PRSS38: variants seen among roughly 807,000 people sequenced by gnomAD.
The protein encoded by PRSS38 is serine protease 38.
In PRSS38, 22 loss-of-function variants were observed where a neutral mutation model predicts 26.8. That is an observed-to-expected ratio of 0.82 (90% confidence interval 0.59 to 1.17). The LOEUF (loss-of-function observed/expected upper bound fraction) is 1.17, where lower values mean the gene tolerates loss of function less well. Ranked by LOEUF, PRSS38 falls within the 50% of genes most tolerant of loss-of-function variation. The pLI, the probability that PRSS38 is intolerant of heterozygous loss-of-function variation, is 0.00. For synonymous variants in PRSS38, 175 were observed against 172.1 expected (o/e 1.02, Z -0.13); for missense variants, 427 against 422.7 (o/e 1.01, Z -0.09).
chr1:227,833,818 G>A (rs568890132), intron 3 of PRSS38, among the ~76,000 whole-genome samples: 78 of 152,328 alleles, frequency 5.1e-4, no homozygotes, highest in African/African-American at 1.8e-3. Flanking sequence ...AATTATTGAA[G>A]ACTAAGTATA....
chr1:227,834,179 G>C (rs1665203354), intron 3 of PRSS38, among the ~76,000 whole-genome samples: 1 of 152,194 alleles, frequency 6.6e-6, no homozygotes, highest in Admixed American at 6.5e-5. Context: ...CTGAGAGGGA[G>C]CCTGGCCCTT....
intron 3 of PRSS38, among the ~76,000 whole-genome samples, chr1:227,819,187 G>A (rs1462315756): frequency 6.6e-6 from 1 of 152,054 alleles, no homozygotes; most frequent in Non-Finnish European, 1.5e-5. Context: ...GTGTATGTGG[G>A]GAGATGGTGG....
chr1:227,834,153 A>G (rs1163788028), intron 3 of PRSS38, among the ~76,000 whole-genome samples: 3 of 152,096 alleles, frequency 2.0e-5, no homozygotes, highest in Non-Finnish European at 4.4e-5. Context: ...GAAAAGAAGG[A>G]TCCTCCCTGA....
chr1:227,841,346 C>A (rs1189709847), intron 3 of PRSS38, among the ~76,000 whole-genome samples: 1 of 152,250 alleles, frequency 6.6e-6, no homozygotes, highest in South Asian at 2.1e-4. Flanking sequence ...TCCCGTTGAC[C>A]AAACCACGTC....
At chr1:227,821,203 G>A (rs1166913810) in intron 3 of PRSS38, among the ~76,000 whole-genome samples, 1 of 151,926 alleles carries the variant, frequency 6.6e-6, no homozygotes, top group Non-Finnish European at 1.5e-5. Flanking sequence ...CCATGTCCCT[G>A]CAAAGGACAT....
chr1:227,824,458 C>A (rs1280260414), intron 3 of PRSS38, among the ~76,000 whole-genome samples: 1 of 152,060 alleles, frequency 6.6e-6, no homozygotes, highest in Non-Finnish European at 1.5e-5. Flanking sequence ...ATTTTTTTAT[C>A]CAGTCTATCA....
At chr1:227,818,288 TA>T (rs1328815748) in intron 3 of PRSS38, among the ~76,000 whole-genome samples, 1 of 152,190 alleles carries the variant, frequency 6.6e-6, no homozygotes, top group Non-Finnish European at 1.5e-5. Context: ...ACTTAATTTT[TA>T]AAAAATTATA....
chr1:227,845,004 T>A (rs1439410401), intron 3 of PRSS38, among the ~76,000 whole-genome samples: 2 of 144,462 alleles, frequency 1.4e-5, no homozygotes, highest in Non-Finnish European at 3.0e-5. Flanking sequence ...CCTCCCTATG[T>A]GTGGTGGGGC....
intron 3 of PRSS38, among the ~76,000 whole-genome samples, chr1:227,836,126 T>C (rs1362112187): frequency 2.0e-5 from 3 of 151,678 alleles, no homozygotes; most frequent in African/African-American, 7.3e-5. Flanking sequence ...CGAGACAAGG[T>C]CTTGCTCTGT....
At chr1:227,821,801 T>A (rs1000920139) in intron 3 of PRSS38, among the ~76,000 whole-genome samples, 6 of 152,194 alleles carry the variant, frequency 3.9e-5, no homozygotes, top group Non-Finnish European at 8.8e-5. Context: ...TTATAATGTG[T>A]CTTGTTGGGG....
At chr1:227,815,697 G>C in exon 1 of PRSS38, 1 of 1,559,956 alleles carries the variant, frequency 6.4e-7, no homozygotes, top group Non-Finnish European at 8.7e-7. Context: ...TCACCCGCTG[G>C]GGGCGCTGCC....
exon 5 of PRSS38, chr1:227,845,985 T>A (rs767194224): frequency 1.2e-6 from 2 of 1,614,198 alleles, no homozygotes; most frequent in South Asian, 2.2e-5. Flanking sequence ...GTCTGTGAAT[T>A]CAACCGCAGC....
At chr1:227,817,047 A>G (rs1225616699) in intron 2 of PRSS38, among the ~76,000 whole-genome samples, 162 bp from the exon 3 acceptor site, 1 of 152,044 alleles carries the variant, frequency 6.6e-6, no homozygotes, top group Non-Finnish European at 1.5e-5. Flanking sequence ...TTAGGGGGCA[A>G]CTCTTCCAGA....
At chr1:227,841,904 A>T (rs1181939667) in intron 3 of PRSS38, among the ~76,000 whole-genome samples, 1 of 152,182 alleles carries the variant, frequency 6.6e-6, no homozygotes, top group African/African-American at 2.4e-5. Context: ...AGGGTTCTGT[A>T]AGAAGCATGG....
intron 3 of PRSS38, among the ~76,000 whole-genome samples, chr1:227,833,527 C>CA (rs34002342): frequency 2.0e-5 from 3 of 148,632 alleles, no homozygotes; most frequent in East Asian, 2.0e-4. Flanking sequence ...GACTCCATCT[C>CA]AAAAAAAAAA....
At position 227,816,298 on chromosome 1, in the gene PRSS38, C is replaced by A. The variant is rs760500202; in HGVS notation, c.311+46C>A. On this transcript the variant is annotated intron_variant, in intron 2 of 4. Transcript: ENST00000366757. This position sits in a 1 kb window ranked among gnomAD's most constrained non-coding sequence, Gnocchi z 5.1. Reference sequence around the variant, plus strand: ...GATGGTGTGGGTAGCTGGGCCTGCACGGAGTGCCCACAGCGGCTTGGATGG... The same window carrying A: ...GATGGTGTGGGTAGCTGGGCCTGCAAGGAGTGCCCACAGCGGCTTGGATGG... 6.3e-7 allele frequency: 1 copy of A among 1,578,650 alleles called. No individual in the cohort carries two copies.
intron 3 of PRSS38, among the ~76,000 whole-genome samples, chr1:227,825,107 C>G (rs1665053766): frequency 6.6e-6 from 1 of 152,200 alleles, no homozygotes; most frequent in Non-Finnish European, 1.5e-5. Flanking sequence ...GCTTTTGTTG[C>G]AATTGCTTTT....
At chr1:227,835,029 A>G (rs1159450701) in intron 3 of PRSS38, among the ~76,000 whole-genome samples, 2 of 152,212 alleles carry the variant, frequency 1.3e-5, no homozygotes, top group Non-Finnish European at 2.9e-5. Context: ...AGAAGACTTG[A>G]ACTGACATTT....
intron 3 of PRSS38, 24 bp from the exon 4 acceptor site, chr1:227,845,446 C>T (rs191691879): frequency 1.3e-6 from 2 of 1,595,286 alleles, no homozygotes; most frequent in African/African-American, 1.3e-5. Context: ...GTGCTGCCCC[C>T]TCACGGGAGC....
Sources: allele counts gnomAD v4.1 joint callset (sites outside exome capture counted in the v4.1 genomes callset), GRCh38; gene constraint gnomAD v4.1.1; non-coding constraint Gnocchi (gnomAD v3.1); transcripts MANE v1.5; gene names NCBI Gene and HGNC (gene_info 2026-07-23, HGNC 2026-07-21).